Variants in KCNMB2 observed in about 807,000 individuals in gnomAD.
KCNMB2 encodes the protein calcium-activated potassium channel subunit beta-2.
A neutral mutation model predicts 24.5 loss-of-function variants in KCNMB2; 9 were observed. That is an observed-to-expected ratio of 0.37 (90% CI 0.22 to 0.64). The LOEUF (loss-of-function observed/expected upper bound fraction) is 0.64. Ranked by LOEUF, KCNMB2 falls within the 30% of genes least tolerant of loss-of-function variation. The pLI, the probability that KCNMB2 is intolerant of heterozygous loss-of-function variation, is 0.63. For missense variants in KCNMB2, 226 were observed against 284.3 expected (o/e 0.79, Z 1.47); for synonymous variants, 109 against 104.4 (o/e 1.04, Z -0.27).
intron 1 of KCNMB2, among the ~76,000 whole-genome samples, chr3:178,679,720 C>A (rs1386180236): frequency 6.6e-6 from 1 of 152,114 alleles, no homozygotes; most frequent in Non-Finnish European, 1.5e-5. Context: ...GCCCTGTCCC[C>A]TTTGACCTCT....
At chr3:178,549,345 C>G (rs1310106707) in intron 1 of KCNMB2, among the ~76,000 whole-genome samples, 2 of 147,230 alleles carry the variant, frequency 1.4e-5, no homozygotes, top group African/African-American at 5.0e-5. Flanking sequence ...CAGTCTCACT[C>G]TGTCATCCAG....
intron 2 of KCNMB2, among the ~76,000 whole-genome samples, chr3:178,819,177 T>C (rs1299749646): frequency 6.6e-6 from 1 of 152,166 alleles, no homozygotes; most frequent in East Asian, 1.9e-4. Context: ...GACTGTTCAT[T>C]TTAAGGAATG....
chr3:178,615,019 C>T (rs1399660188), intron 1 of KCNMB2, among the ~76,000 whole-genome samples: 1 of 152,204 alleles, frequency 6.6e-6, no homozygotes, highest in African/African-American at 2.4e-5. Flanking sequence ...CTTGCAGACT[C>T]ATAGAAGTGC....
chr3:178,649,073 G>A (rs1720017179), intron 1 of KCNMB2, among the ~76,000 whole-genome samples: 2 of 152,196 alleles, frequency 1.3e-5, no homozygotes, highest in South Asian at 4.2e-4. Flanking sequence ...ATTTCTTACA[G>A]ATTTGTAATT....
At chr3:178,643,534 A>C (rs1003194549) in intron 1 of KCNMB2, among the ~76,000 whole-genome samples, 4 of 152,178 alleles carry the variant, frequency 2.6e-5, no homozygotes, top group African/African-American at 9.7e-5. Context: ...GGAAGGGTGC[A>C]TGAGACTTTC....
rs9870984 is a variant in KCNMB2 at position 178,696,590 on chromosome 3, C to G, written c.-67-110753C>G. ...ATACTTTGAATGTATTTTCATTTCT[C>G]AATCTTATTCAGTTCAGTTCTGATT... On this transcript the variant is annotated intron_variant, in intron 1 of 4. Transcript: ENST00000452583. Among the ~76,000 whole-genome samples the G allele has an allele frequency of 5.6e-3, 848 of 152,154 alleles. 7 individuals carry two copies. The highest frequency in any genetic ancestry group is 0.019 in the African/African-American group (805 of 41,506).
intron 2 of KCNMB2, among the ~76,000 whole-genome samples, chr3:178,821,151 C>A (rs1399934406): frequency 6.6e-6 from 1 of 152,134 alleles, no homozygotes; most frequent in East Asian, 1.9e-4. Flanking sequence ...AGCACTACCA[C>A]CCCCACCCTC....
chr3:178,597,857 T>C (rs1311060161), intron 1 of KCNMB2, among the ~76,000 whole-genome samples: 2 of 152,136 alleles, frequency 1.3e-5, no homozygotes, highest in Non-Finnish European at 2.9e-5. Context: ...AAAAGCCCTG[T>C]TGATAATCTC....
intron 1 of KCNMB2, among the ~76,000 whole-genome samples, chr3:178,745,323 G>A (rs35766649): frequency 0.12 from 18,108 of 152,138 alleles, 1,172 homozygotes; most frequent in Non-Finnish European, 0.14. Flanking sequence ...GAGAGAACTC[G>A]TATAGGAGAA....
At chr3:178,538,327 A>C (rs1420455069) in intron 1 of KCNMB2, among the ~76,000 whole-genome samples, 1 of 152,192 alleles carries the variant, frequency 6.6e-6, no homozygotes, top group Non-Finnish European at 1.5e-5. Flanking sequence ...GTTACCAGTG[A>C]AATGTGTGCC....
chr3:178,730,383 T>TTTG (rs1723105346), intron 1 of KCNMB2, among the ~76,000 whole-genome samples: 2 of 141,244 alleles, frequency 1.4e-5, no homozygotes, highest in Admixed American at 7.3e-5. Flanking sequence ...TTCCTTTATC[T>TTTG]TTGTCACTAC....
chr3:178,780,140 A>T (rs896084925), intron 1 of KCNMB2, among the ~76,000 whole-genome samples: 14 of 150,442 alleles, frequency 9.3e-5, no homozygotes, highest in Admixed American at 5.3e-4. Context: ...GTCCTGATTG[A>T]TACTTAGATT....
rs561955497 is a variant in KCNMB2 at position 178,787,236 on chromosome 3, T to C, written c.-67-20107T>C. On this transcript the variant is annotated intron_variant, in intron 1 of 4. Transcript: ENST00000452583. Reference sequence around the variant, plus strand: ...AATATATATGTAATTCATTTTTAAGTGGTAATAGCATATACTTAATGCTTC... The same window carrying C: ...AATATATATGTAATTCATTTTTAAGCGGTAATAGCATATACTTAATGCTTC... Among the ~76,000 whole-genome samples the C allele has an allele frequency of 6.6e-5, 10 of 152,320 alleles. No homozygotes were observed. The South Asian group carries it at 1.9e-3, about 28-fold the overall frequency.
At chr3:178,585,382 T>G (rs1186838504) in intron 1 of KCNMB2, among the ~76,000 whole-genome samples, 3 of 152,192 alleles carry the variant, frequency 2.0e-5, no homozygotes, top group African/African-American at 4.8e-5. Flanking sequence ...GTCCAAGTTA[T>G]TATATTAACC....
At chr3:178,622,874 T>C (rs1298992280) in intron 1 of KCNMB2, among the ~76,000 whole-genome samples, 1 of 151,992 alleles carries the variant, frequency 6.6e-6, no homozygotes, top group African/African-American at 2.4e-5. Flanking sequence ...TTGGGAGGGA[T>C]TGAATATGAG....
chr3:178,771,457 TTTTCTTTC>T (rs1560014865), intron 1 of KCNMB2, among the ~76,000 whole-genome samples: 1 of 150,718 alleles, frequency 6.6e-6, no homozygotes, highest in East Asian at 1.9e-4. Flanking sequence ...CTGACTTTCT[TTTTCTTTC>T]TTTCTTTCTT....
intron 1 of KCNMB2, among the ~76,000 whole-genome samples, chr3:178,551,815 G>C (rs933108078): frequency 6.6e-6 from 1 of 152,172 alleles, no homozygotes; most frequent in African/African-American, 2.4e-5. Flanking sequence ...GCTTGCCCAA[G>C]GTACACAACT....
chr3:178,647,148 G>C (rs1719949496), intron 1 of KCNMB2, among the ~76,000 whole-genome samples: 1 of 152,166 alleles, frequency 6.6e-6, no homozygotes, highest in Non-Finnish European at 1.5e-5. Context: ...GCTAATGCCA[G>C]TTGTAAGGAT....
At chr3:178,761,699 T>C (rs1560011071) in intron 1 of KCNMB2, among the ~76,000 whole-genome samples, 1 of 152,306 alleles carries the variant, frequency 6.6e-6, no homozygotes, top group East Asian at 1.9e-4. Flanking sequence ...ACAAGCATTC[T>C]TGCCGAGAGC....
Sources: allele counts gnomAD v4.1 joint callset (sites outside exome capture counted in the v4.1 genomes callset), GRCh38; gene constraint gnomAD v4.1.1; transcripts MANE v1.5; gene names NCBI Gene and HGNC (gene_info 2026-07-23, HGNC 2026-07-21).